The following RBFOX2 variants were observed in gnomAD, a reference collection of about 807,000 sequenced individuals.
The protein encoded by RBFOX2 is RNA binding fox-1 homolog 2, also known as RNA binding protein fox-1 homolog 2.
RBFOX2 carries 10 observed loss-of-function variants against 49.1 expected under a neutral mutation model. That is an observed-to-expected ratio of 0.20 (90% CI 0.13 to 0.35). RBFOX2 has a LOEUF of 0.35. RBFOX2 is among the 10% of genes least tolerant of loss of function. The probability of loss-of-function intolerance (pLI) is 1.00; values close to 1 mark genes in which losing one functional copy is unlikely to be tolerated. For missense variants in RBFOX2, 323 were observed against 486.9 expected (o/e 0.66, Z 3.17); for synonymous variants, 183 against 187.4 (o/e 0.98, Z 0.19).
At chr22:36,017,855 C>T (rs774180911) in intron 1 of RBFOX2, among the ~76,000 whole-genome samples, 1 of 152,190 alleles carries the variant, frequency 6.6e-6, no homozygotes, top group African/African-American at 2.4e-5. Context: ...AACTAAATAT[C>T]AGGTTGCTAT....
intron 1 of RBFOX2, among the ~76,000 whole-genome samples, chr22:35,887,100 A>ATATTCTGATTT: frequency 6.6e-6 from 1 of 152,364 alleles, no homozygotes; most frequent in Admixed American, 6.5e-5. Context: ...ATTTTACAAC[A>ATATTCTGATTT]ACAAAATTCC....
At chr22:35,897,860 T>A in intron 1 of RBFOX2, 1 of 736,876 alleles carries the variant, frequency 1.4e-6, no homozygotes, top group Non-Finnish European at 2.5e-6. Context: ...GCCTTCTTTC[T>A]CAAATATCTA....
At chr22:35,872,524 G>A (rs938624133) in intron 1 of RBFOX2, among the ~76,000 whole-genome samples, 1 of 152,164 alleles carries the variant, frequency 6.6e-6, no homozygotes, top group African/African-American at 2.4e-5. Context: ...TTTATTGAGT[G>A]GAAGGATTTT....
chr22:35,752,096 G>A (rs1330020752), intron 9 of RBFOX2, among the ~76,000 whole-genome samples: 1 of 152,206 alleles, frequency 6.6e-6, no homozygotes, highest in Non-Finnish European at 1.5e-5. Context: ...CAATGTTTGA[G>A]TCCCATATGT....
chr22:35,834,723 C>G (rs1038047715), intron 1 of RBFOX2, among the ~76,000 whole-genome samples: 7 of 151,988 alleles, frequency 4.6e-5, no homozygotes, highest in Non-Finnish European at 1.5e-5. Context: ...GTTAAGAGAA[C>G]AGCAAAGAGG....
Position 35,982,597 on chromosome 22 carries a change from G to C in RBFOX2, c.187-43700C>G, listed in dbSNP as rs894715409. Among the ~76,000 whole-genome samples, 4 of 152,048 alleles carry C rather than the reference G, an allele frequency of 2.6e-5. No individual in the cohort carries two copies. The South Asian group carries it at 8.3e-4, about 32-fold the overall frequency. On this transcript the variant is annotated intron_variant, in intron 1 of 13. Transcript: ENST00000438146. ...GAACTGCAGAATGAACAGGGAAGTG[G>C]GTAGGAGAAAAGGAAATGGTTGGAC...
chr22:36,025,420 C>A (rs2059395207), intron 1 of RBFOX2, among the ~76,000 whole-genome samples: 1 of 152,112 alleles, frequency 6.6e-6, no homozygotes, highest in East Asian at 1.9e-4. Context: ...TTCTTTTTAG[C>A]CCTTATCACC....
upstream of RBFOX2, among the ~76,000 whole-genome samples, chr22:35,941,387 T>C (rs1262878104): frequency 1.3e-5 from 2 of 152,146 alleles, no homozygotes; most frequent in African/African-American, 4.8e-5. Context: ...TGAGATAATA[T>C]AGCAGTATAC....
At chr22:35,952,263 C>A (rs2055031532) in intron 1 of RBFOX2, among the ~76,000 whole-genome samples, 1 of 152,254 alleles carries the variant, frequency 6.6e-6, no homozygotes, top group Admixed American at 6.5e-5. Context: ...CCGCATGCAC[C>A]TTTTTTCTTT....
intron 1 of RBFOX2, among the ~76,000 whole-genome samples, chr22:36,020,331 G>T (rs1029099450): frequency 2.0e-5 from 3 of 152,176 alleles, no homozygotes; most frequent in African/African-American, 7.2e-5. Context: ...TCAGGACATA[G>T]GCATGGGCAA....
At chr22:35,998,543 A>G (rs1426889751) in intron 1 of RBFOX2, 1 of 152,132 alleles carries the variant, frequency 6.6e-6, no homozygotes, top group East Asian at 1.9e-4. Flanking sequence ...CGTCCAGCTA[A>G]TTTTTGTATT....
rs537562798 is a variant in RBFOX2 at position 35,899,604 on chromosome 22, A to C, written c.-34+39243T>G. ...AGAAAGAAAGAAAAAAGGGGGAACA[A>C]AGTGGTAGGAGAAGAAAAAAATTTA... On this transcript the variant is annotated intron_variant, in intron 1 of 13. Transcript: ENST00000359369. 2.0e-5 allele frequency among the ~76,000 whole-genome samples: 3 copies of C among 152,200 alleles called. No homozygotes were observed. In the East Asian group the frequency reaches 5.8e-4, roughly 29 times the overall value.
upstream of RBFOX2, among the ~76,000 whole-genome samples, chr22:35,962,590 A>G (rs913852200): frequency 3.3e-5 from 5 of 152,194 alleles, no homozygotes; most frequent in Non-Finnish European, 7.3e-5. Flanking sequence ...TAGATATACC[A>G]TAAAATATAC....
chr22:35,791,460 TTAAC>T lies in RBFOX2; in HGVS notation c.253-9718_253-9715del, dbSNP rs559678803. On this transcript the variant is annotated intron_variant, in intron 2 of 11. Coordinates refer to ENST00000405409, the Ensembl canonical transcript of RBFOX2. ...TTAAATATTAAAACACTAAAAATGT[TTAAC>T]TGGTTTAATGATTATATACAGGCAC... Among the ~76,000 whole-genome samples the T allele has an allele frequency of 2.8e-3, 432 of 152,258 alleles. 3 individuals carry two copies. Among genetic ancestry groups the T allele is most frequent in the Non-Finnish European group, 4.4e-3 (298 of 68,010 alleles).
intron 1 of RBFOX2, among the ~76,000 whole-genome samples, chr22:35,948,858 C>CG: frequency 6.6e-6 from 1 of 152,016 alleles, no homozygotes; most frequent in South Asian, 2.1e-4. Context: ...TTTCAGTATA[C>CG]ACTTCTATAG....
chr22:35,756,096 T>G lies in RBFOX2; in HGVS notation c.887+3792A>C, dbSNP rs1223319719. ...ATGGGGTCGAGAAGGCCCCAGTGTG[T>G]GTACTTACATAGAGGTCAGCACCGT... On this transcript the variant is annotated intron_variant, in intron 9 of 11. Coordinates refer to ENST00000405409, the Ensembl canonical transcript of RBFOX2. 6.9e-7 allele frequency: 1 copy of G among 1,442,742 alleles called. No homozygotes were observed. The highest frequency in any genetic ancestry group is 2.8e-5 in the East Asian group (1 of 35,802). 89.4% of individuals were successfully genotyped at this position (1,442,742 alleles called of 1,614,324 possible).
chr22:35,860,195 T>C (rs1436814069), intron 1 of RBFOX2, among the ~76,000 whole-genome samples: 1 of 152,112 alleles, frequency 6.6e-6, no homozygotes, highest in Non-Finnish European at 1.5e-5. Context: ...TATTAGCAAA[T>C]ATCACACAAG....
At position 35,846,490 on chromosome 22, in the gene RBFOX2, C is replaced by T. The variant is rs114470111; in HGVS notation, c.-33-36486G>A. On this transcript the variant is annotated intron_variant, in intron 1 of 13. Coordinates refer to the RBFOX2 transcript ENST00000359369. The stretch of plus-strand genomic sequence containing the variant: ...GTGTCCTTTAGGCTGGGCATAGTGG[C>T]TCACGCCTGTAATTTGGGAGGCCGA... Among the ~76,000 whole-genome samples, 495 of 151,756 alleles carry T rather than the reference C, an allele frequency of 3.3e-3. 3 individuals are homozygous for T. Among genetic ancestry groups the T allele is most frequent in the Middle Eastern group, 0.01 (3 of 294 alleles).
intron 2 of RBFOX2, among the ~76,000 whole-genome samples, chr22:35,800,876 G>A (rs1366732494): frequency 2.0e-5 from 3 of 152,106 alleles, no homozygotes; most frequent in Non-Finnish European, 2.9e-5. Flanking sequence ...GTCAGCTTAC[G>A]GTTCTACTTG....
Sources: allele counts gnomAD v4.1 joint callset (sites outside exome capture counted in the v4.1 genomes callset), GRCh38; gene constraint gnomAD v4.1.1; transcripts MANE v1.5; gene names NCBI Gene and HGNC (gene_info 2026-07-23, HGNC 2026-07-21).